The following HSF2BP variants were observed in gnomAD, a reference collection of about 807,000 sequenced individuals.
The protein encoded by HSF2BP is heat shock factor 2-binding protein.
A neutral mutation model predicts 35.0 loss-of-function variants in HSF2BP; 35 were observed. The observed-to-expected ratio is 1.00, with a 90% CI of 0.76 to 1.32. The LOEUF is 1.32. Among genes scored for constraint, HSF2BP ranks in the 40% most tolerant of loss-of-function variants. The pLI, the probability that HSF2BP is intolerant of heterozygous loss-of-function variation, is 0.00. For missense variants in HSF2BP, 326 were observed against 321.7 expected (o/e 1.01, Z -0.10); for synonymous variants, 114 against 117.4 (o/e 0.97, Z 0.18).
rs1407095392 is a variant in HSF2BP, at chr21:43,596,901, A to AG, written c.693-4574_693-4573insC. On this transcript the variant is annotated intron_variant, in intron 7 of 8. Transcript: ENST00000291560. ...GACCCTGTCTCAAAAAAAAAAAAAA[A>AG]AAAAGAGAATTTTTTTTTATAAAGA... Among the ~76,000 whole-genome samples, 4 of 96,632 alleles carry AG rather than the reference A, an allele frequency of 4.1e-5. No homozygotes were observed. The East Asian group carries it at 1.4e-3, about 34-fold the overall frequency. 63.4% of individuals were successfully genotyped at this position (96,632 alleles called of 152,430 possible). A position where few individuals can be genotyped will look rare whatever the true frequency, so the allele number is the denominator to read the frequency against.
chr21:43,592,140 G>A, intron 8 of HSF2BP, 85 bp downstream of exon 8: 1 of 837,748 alleles, frequency 1.2e-6, no homozygotes, highest in Non-Finnish European at 2.0e-6. Flanking sequence ...CATCTACTAG[G>A]AAACTTGGAA....
intron 6 of HSF2BP, among the ~76,000 whole-genome samples, chr21:43,623,543 A>G (rs544470232): frequency 6.6e-6 from 1 of 152,306 alleles, no homozygotes; most frequent in East Asian, 1.9e-4. Flanking sequence ...GTAGTCCAAC[A>G]AGTGTCCATG....
chr21:43,574,126 C>T (rs2081610648), intron 8 of HSF2BP, among the ~76,000 whole-genome samples: 1 of 152,202 alleles, frequency 6.6e-6, no homozygotes, highest in African/African-American at 2.4e-5. Flanking sequence ...AGCAGGATCT[C>T]TTACCAGACT....
At chr21:43,467,969 C>T in the HSF2BP span, among the ~76,000 whole-genome samples, 1 of 111,148 alleles carries the variant, frequency 9.0e-6, no homozygotes, top group Non-Finnish European at 1.9e-5. Context: ...TTACACCACA[C>T]ACACACCACA....
At chr21:43,590,694 A>G (rs1223069878) in intron 8 of HSF2BP, among the ~76,000 whole-genome samples, 1 of 152,150 alleles carries the variant, frequency 6.6e-6, no homozygotes, top group Non-Finnish European at 1.5e-5. Context: ...GATGGGTCTC[A>G]AAATCAACAT....
intron 3 of HSF2BP, among the ~76,000 whole-genome samples, chr21:43,656,342 AAGAG>A (rs994380316): frequency 9.9e-5 from 15 of 152,180 alleles, no homozygotes; most frequent in African/African-American, 2.9e-4. Flanking sequence ...TCTGCCAATG[AAGAG>A]AGAGAGAAAG....
intron 7 of HSF2BP, among the ~76,000 whole-genome samples, chr21:43,607,122 C>T (rs983236741): frequency 6.6e-6 from 1 of 151,956 alleles, no homozygotes; most frequent in African/African-American, 2.4e-5. Context: ...AACCCTGTCT[C>T]TACAAAAAAC....
At chr21:43,467,963 AC>A in the HSF2BP span, among the ~76,000 whole-genome samples, 1 of 64,890 alleles carries the variant, frequency 1.5e-5, no homozygotes, top group South Asian at 5.0e-4. Context: ...CCACACTTAC[AC>A]CACACACACA....
chr21:43,643,415 G>A (rs2082665620), intron 4 of HSF2BP, among the ~76,000 whole-genome samples: 1 of 152,144 alleles, frequency 6.6e-6, no homozygotes, highest in Admixed American at 6.5e-5. Flanking sequence ...CGATTAATGT[G>A]CTCTCTGGAG....
intron 7 of HSF2BP, among the ~76,000 whole-genome samples, chr21:43,596,035 T>C (rs1171411600): frequency 6.6e-6 from 1 of 152,088 alleles, no homozygotes; most frequent in Non-Finnish European, 1.5e-5. Flanking sequence ...AAATATTTCA[T>C]ACTGAAAAGT....
intron 8 of HSF2BP, among the ~76,000 whole-genome samples, chr21:43,584,075 G>A (rs1222827901): frequency 2.0e-5 from 3 of 147,320 alleles, no homozygotes; most frequent in African/African-American, 7.6e-5. Context: ...CCTGCTGAGG[G>A]AGATGAAGGG....
Position 43,621,394 on chromosome 21 carries a change from G to T in HSF2BP, c.575-7447C>A, listed in dbSNP as rs945602178. Among the ~76,000 whole-genome samples the T allele has an allele frequency of 5.3e-5, 8 of 152,114 alleles. No homozygotes were observed. In the South Asian group the frequency reaches 1.7e-3, roughly 32 times the overall value. ...AAACAGAAATTAGCCAGGCGTGGTG[G>T]CACATGCCTGTGGTCTCAGCTACTC... On this transcript the variant is annotated intron_variant, in intron 6 of 8. Transcript: ENST00000291560.
chr21:43,643,768 C>T (rs184417263), intron 4 of HSF2BP, among the ~76,000 whole-genome samples: 1 of 152,188 alleles, frequency 6.6e-6, no homozygotes, highest in African/African-American at 2.4e-5. Context: ...ACCATCCTGG[C>T]TAACACAATG....
intron 4 of HSF2BP, among the ~76,000 whole-genome samples, chr21:43,638,620 G>A (rs536504488): frequency 6.6e-6 from 1 of 152,116 alleles, no homozygotes; most frequent in African/African-American, 2.4e-5. Context: ...TCTAGATGCT[G>A]AAAATAATTG....
chr21:43,600,863 G>A (rs933466120), intron 7 of HSF2BP, among the ~76,000 whole-genome samples: 7 of 152,258 alleles, frequency 4.6e-5, no homozygotes, highest in South Asian at 2.1e-4. Flanking sequence ...AACTAGCCAC[G>A]CATTGCTAAT....
chr21:43,580,896 T>G (rs12106423), intron 8 of HSF2BP, among the ~76,000 whole-genome samples: 6,816 of 152,280 alleles, frequency 0.045, 513 homozygotes, highest in African/African-American at 0.15. Flanking sequence ...TGAAGACACA[T>G]CACTGAATAT....
chr21:43,594,650 GAAAGA>G (rs2081963607), intron 7 of HSF2BP, among the ~76,000 whole-genome samples: 1 of 150,780 alleles, frequency 6.6e-6, no homozygotes, highest in Non-Finnish European at 1.5e-5. Context: ...CCTGTTGAAA[GAAAGA>G]ATAGAAAAGG....
intron 6 of HSF2BP, among the ~76,000 whole-genome samples, chr21:43,628,639 G>A (rs1273201504): frequency 6.6e-6 from 1 of 152,216 alleles, no homozygotes; most frequent in African/African-American, 2.4e-5. Flanking sequence ...TCACTGCCGA[G>A]GGTGGTTACA....
the HSF2BP span, among the ~76,000 whole-genome samples, chr21:43,467,844 CATA>C: frequency 2.3e-3 from 294 of 126,470 alleles, 3 homozygotes; most frequent in African/African-American, 8.3e-3. Context: ...CCACACACCA[CATA>C]CACACCACAC....
Sources: gnomAD v4.1 joint callset for allele counts (sites outside exome capture counted in the v4.1 genomes callset) on GRCh38, gnomAD v4.1.1 for gene constraint, MANE v1.5 for transcripts, NCBI Gene and HGNC (gene_info 2026-07-23, HGNC 2026-07-21) for gene names.